DMD: variants seen among roughly 807,000 people sequenced by gnomAD.
DMD encodes the protein dystrophin.
DMD carries 63 observed loss-of-function variants against 330.1 expected under a neutral mutation model. That is an observed-to-expected ratio of 0.19 (90% CI 0.16 to 0.24). The LOEUF is 0.24. DMD is among the 10% of genes least tolerant of loss of function. The pLI is 1.00. For synonymous variants in DMD, 1,223 were observed against 959.8 expected (o/e 1.27, Z -5.07); for missense variants, 3,344 against 2,684.1 (o/e 1.25, Z -5.43).
intron 44 of DMD, among the ~76,000 whole-genome samples, chrX:32,083,060 T>C (rs774336354): frequency 1.8e-5 from 2 of 111,974 alleles, no homozygotes; most frequent in South Asian, 7.4e-4. Context: ...GCTAACACCC[T>C]GGATGAAATG....
intron 51 of DMD, among the ~76,000 whole-genome samples, chrX:31,738,899 G>A (rs2087078240): frequency 8.9e-6 from 1 of 111,964 alleles, no homozygotes; most frequent in Non-Finnish European, 1.9e-5. Flanking sequence ...CATGGACATA[G>A]AGAGTAGAAG....
intron 2 of DMD, among the ~76,000 whole-genome samples, chrX:32,898,910 C>T (rs991197843): frequency 9.0e-6 from 1 of 111,622 alleles, no homozygotes; most frequent in Admixed American, 9.5e-5. Flanking sequence ...TTCCAGTTAC[C>T]CACCAAATAT....
At chrX:32,726,687 G>C (rs998490112) in intron 7 of DMD, among the ~76,000 whole-genome samples, 1 of 110,931 alleles carries the variant, frequency 9.0e-6, no homozygotes, top group Non-Finnish European at 1.9e-5. Context: ...TAAATTATTT[G>C]TGGGAAGTTT....
chrX:31,327,098 G>A (rs928493240), intron 61 of DMD, among the ~76,000 whole-genome samples: 1 of 112,269 alleles, frequency 8.9e-6, no homozygotes. Context: ...TAACCACTAC[G>A]TGTAATTCCA....
At chrX:31,433,460 CT>C (rs758507823) in intron 60 of DMD, among the ~76,000 whole-genome samples, 129 of 97,879 alleles carry the variant, frequency 1.3e-3, no homozygotes, top group Non-Finnish European at 1.3e-3. Flanking sequence ...TTCTTTCTTT[CT>C]TTTTTTTTTT....
intron 53 of DMD, among the ~76,000 whole-genome samples, chrX:31,667,639 T>C (rs2070054886): frequency 1.8e-5 from 2 of 111,051 alleles, no homozygotes; most frequent in Admixed American, 9.6e-5. Context: ...AAAAAATTTA[T>C]TGTGAATTTA....
At chrX:32,920,771 T>C (rs906199181) in intron 2 of DMD, among the ~76,000 whole-genome samples, 2 of 112,260 alleles carry the variant, frequency 1.8e-5, no homozygotes, top group African/African-American at 3.2e-5. Context: ...CAATCTATTG[T>C]AGGGAATAGC....
chrX:32,214,761 C>T (rs931249079), intron 44 of DMD, among the ~76,000 whole-genome samples: 5 of 111,451 alleles, frequency 4.5e-5, no homozygotes, highest in South Asian at 3.8e-4. Flanking sequence ...TGTTCCAGAA[C>T]GAGGTTTGAG....
chrX:33,147,363 G>A (rs919165595), intron 1 of DMD, among the ~76,000 whole-genome samples: 14 of 111,951 alleles, frequency 1.3e-4, no homozygotes, highest in African/African-American at 4.5e-4. Flanking sequence ...TTCATTGCAT[G>A]CATTTTATTC....
upstream of DMD, among the ~76,000 whole-genome samples, chrX:33,213,322 A>T (rs761312925): frequency 8.9e-6 from 1 of 112,298 alleles, no homozygotes; most frequent in Non-Finnish European, 1.9e-5. Context: ...GTTGATAATC[A>T]GAATTTATTT....
chrX:33,008,119 A>G (rs966145226), intron 2 of DMD, among the ~76,000 whole-genome samples: 1 of 111,699 alleles, frequency 9.0e-6, no homozygotes, highest in Non-Finnish European at 1.9e-5. Flanking sequence ...GAAAGTGATC[A>G]CTTGTTTATT....
intron 34 of DMD, among the ~76,000 whole-genome samples, chrX:32,372,852 T>A (rs920516230): frequency 9.0e-6 from 1 of 111,536 alleles, no homozygotes; most frequent in East Asian, 2.8e-4. Context: ...AATTTAAAAA[T>A]TTTTCTTTAC....
intron 44 of DMD, among the ~76,000 whole-genome samples, chrX:31,974,874 A>T (rs954703018): frequency 4.9e-5 from 5 of 102,237 alleles, no homozygotes; most frequent in Non-Finnish European, 7.9e-5. Flanking sequence ...TTTCCTTTTG[A>T]TGTATTTATC....
At chrX:32,758,864 A>G (rs774160557) in intron 7 of DMD, among the ~76,000 whole-genome samples, 3 of 111,716 alleles carry the variant, frequency 2.7e-5, no homozygotes, top group Non-Finnish European at 5.6e-5. Flanking sequence ...GAACAATGAG[A>G]CCAAATAGGC....
chrX:32,864,278 T>A (rs1231201393), intron 2 of DMD, among the ~76,000 whole-genome samples: 1 of 111,765 alleles, frequency 8.9e-6, no homozygotes, highest in African/African-American at 3.3e-5. Context: ...ACAATATAAG[T>A]AACTTGAATA....
chrX:31,505,642 T>C (rs959097461), intron 56 of DMD, among the ~76,000 whole-genome samples: 27 of 110,828 alleles, frequency 2.4e-4, no homozygotes, highest in African/African-American at 8.6e-4. Flanking sequence ...ACTTTTTTCT[T>C]TTTTCTTTTG....
intron 74 of DMD, among the ~76,000 whole-genome samples, chrX:31,153,049 G>T (rs758705370): frequency 9.0e-6 from 1 of 111,041 alleles, no homozygotes; most frequent in South Asian, 3.9e-4. Context: ...TGGTTTTATG[G>T]CTTCTCCCAG....
chrX:31,565,640 C>A (rs751454997), intron 55 of DMD, among the ~76,000 whole-genome samples: 10 of 111,456 alleles, frequency 9.0e-5, no homozygotes, highest in Non-Finnish European at 1.5e-4. Context: ...TCCAAGAGTG[C>A]AATTGCTGGG....
intron 55 of DMD, among the ~76,000 whole-genome samples, chrX:31,624,424 TTA>T (rs1319884496): frequency 2.7e-5 from 3 of 112,170 alleles, no homozygotes; most frequent in African/African-American, 9.7e-5. Flanking sequence ...ACATGTATGT[TTA>T]AAGAATCTAT....
Sources: allele counts gnomAD v4.1 joint callset (sites outside exome capture counted in the v4.1 genomes callset), GRCh38; gene constraint gnomAD v4.1.1; transcripts MANE v1.5; gene names NCBI Gene and HGNC (gene_info 2026-07-23, HGNC 2026-07-21).